THSD4: variants seen among roughly 807,000 people sequenced by gnomAD.
THSD4 encodes the protein thrombospondin type-1 domain-containing protein 4.
THSD4 carries 69 observed loss-of-function variants against 119.0 expected under a neutral mutation model. The observed-to-expected ratio is 0.58, with a 90% confidence interval of 0.48 to 0.71. THSD4 has a LOEUF of 0.71. THSD4 is among the 30% of genes least tolerant of loss of function. The probability of loss-of-function intolerance (pLI) is 0.00; values close to 1 mark genes in which losing one functional copy is unlikely to be tolerated. For missense variants in THSD4, 1,393 were observed against 1,391.1 expected (o/e 1.00, Z -0.02); for synonymous variants, 524 against 540.4 (o/e 0.97, Z 0.42).
Position 71,660,727 on chromosome 15 carries a change from C to T in THSD4, c.1350C>T (p.Asn450=), listed in dbSNP as rs766397918. The T allele has an allele frequency of 3.1e-6, 5 of 1,614,116 alleles. No individual in the cohort carries two copies. The highest frequency in any genetic ancestry group is 4.2e-6 in the Non-Finnish European group (5 of 1,180,012). The change falls in exon 8 of 18, where the codon AAC becomes AAT. Residue 450 remains asparagine, a synonymous_variant. Transcript: ENST00000261862. The part of the protein sequence containing the change: ...INITEMYKSN[N]YLALRSRSGR... ...TCACGGAGATGTACAAGAGCAACAA[C>T]TATTTGGGTAAGCTTGGTCTTTTTC...
chr15:71,588,508 C>T (rs1015038153), intron 7 of THSD4, among the ~76,000 whole-genome samples: 8 of 152,048 alleles, frequency 5.3e-5, no homozygotes, highest in African/African-American at 1.9e-4. Flanking sequence ...ACCACAGCCT[C>T]GACCTCCTAA....
chr15:71,546,507 G>T (rs1445913421), intron 7 of THSD4, among the ~76,000 whole-genome samples: 2 of 152,176 alleles, frequency 1.3e-5, no homozygotes, highest in African/African-American at 4.8e-5. Flanking sequence ...CTACTCAGAG[G>T]TAGCTCTTAT....
intron 3 of THSD4, among the ~76,000 whole-genome samples, chr15:71,169,486 G>C (rs1441332000): frequency 6.6e-6 from 1 of 152,102 alleles, no homozygotes; most frequent in Non-Finnish European, 1.5e-5. Flanking sequence ...ATTCAGAGTA[G>C]TTTCCTTTAC....
At chr15:71,388,788 A>G (rs567611698) in intron 6 of THSD4, among the ~76,000 whole-genome samples, 1 of 152,144 alleles carries the variant, frequency 6.6e-6, no homozygotes, top group East Asian at 1.9e-4. Context: ...ATATATATAT[A>G]AAAAACATAA....
chr15:71,610,530 C>T (rs2050203700), intron 7 of THSD4, among the ~76,000 whole-genome samples: 1 of 152,144 alleles, frequency 6.6e-6, no homozygotes, highest in Non-Finnish European at 1.5e-5. Flanking sequence ...AACAGTCTGT[C>T]CTGCAACAGC....
At position 71,378,906 on chromosome 15, in the gene THSD4, C is replaced by A. The variant is rs1453357025; in HGVS notation, c.1016-32781C>A. On this transcript the variant is annotated intron_variant, in intron 6 of 17. Transcript: ENST00000261862. ...TCAAAGGATCCTCCTGCCTCGGCCTCTTGAGTAGCTGGGACTACAGTTGCA... is the reference window on the plus strand; with the variant it reads ...TCAAAGGATCCTCCTGCCTCGGCCTATTGAGTAGCTGGGACTACAGTTGCA... Among the ~76,000 whole-genome samples, 17 of 152,308 alleles carry A rather than the reference C, an allele frequency of 1.1e-4. 1 individual carries two copies. In the South Asian group the frequency reaches 3.3e-3, roughly 30 times the overall value.
At chr15:71,454,814 C>A (rs1197140604) in intron 7 of THSD4, among the ~76,000 whole-genome samples, 1 of 152,138 alleles carries the variant, frequency 6.6e-6, no homozygotes, top group Non-Finnish European at 1.5e-5. Context: ...CAAAGAGGAA[C>A]AAAATTAACA....
intron 4 of THSD4, among the ~76,000 whole-genome samples, chr15:71,240,426 T>C (rs1272012756): frequency 6.6e-6 from 1 of 152,208 alleles, no homozygotes; most frequent in Admixed American, 6.5e-5. Flanking sequence ...TATGACTGAT[T>C]ATCAAAGCTG....
At chr15:71,363,310 A>T (rs2045917968) in intron 6 of THSD4, among the ~76,000 whole-genome samples, 2 of 152,244 alleles carry the variant, frequency 1.3e-5, no homozygotes, top group African/African-American at 2.4e-5. Flanking sequence ...GTAGTAAACC[A>T]GATTGGGCCC....
intron 7 of THSD4, among the ~76,000 whole-genome samples, chr15:71,632,632 C>A (rs189844796): frequency 7.8e-4 from 119 of 152,334 alleles, no homozygotes; most frequent in Middle Eastern, 3.4e-3. Context: ...ACTCCCCTAA[C>A]CCACAGTTTA....
intron 6 of THSD4, among the ~76,000 whole-genome samples, chr15:71,355,305 C>T (rs947721465): frequency 5.9e-5 from 9 of 152,206 alleles, no homozygotes; most frequent in Admixed American, 3.9e-4. Context: ...TCAAGGAGCT[C>T]TTCTTTATTT....
chr15:71,633,357 C>A (rs1417773428), intron 7 of THSD4, among the ~76,000 whole-genome samples: 2 of 148,728 alleles, frequency 1.3e-5, no homozygotes, highest in East Asian at 3.9e-4. Context: ...CTCACTGCAG[C>A]CTCGACCTAC....
intron 6 of THSD4, among the ~76,000 whole-genome samples, chr15:71,321,264 G>A (rs1323674842): frequency 1.3e-5 from 2 of 151,648 alleles, no homozygotes; most frequent in African/African-American, 2.4e-5. Flanking sequence ...GGCCAGGCGC[G>A]GTGGCTCAAG....
chr15:71,264,262 AC>A (rs1205535453), intron 6 of THSD4, among the ~76,000 whole-genome samples: 3 of 152,200 alleles, frequency 2.0e-5, no homozygotes, highest in African/African-American at 7.2e-5. Flanking sequence ...CCCGCAGCCC[AC>A]CCCTGTGCAT....
chr15:71,561,188 A>T (rs1234797276), intron 7 of THSD4, among the ~76,000 whole-genome samples: 1 of 151,882 alleles, frequency 6.6e-6, no homozygotes, highest in Non-Finnish European at 1.5e-5. Context: ...GTTAGCCAGG[A>T]TGGTCTTGAT....
chr15:71,545,335 T>C (rs1288143507), intron 7 of THSD4, among the ~76,000 whole-genome samples: 1 of 152,156 alleles, frequency 6.6e-6, no homozygotes, highest in Non-Finnish European at 1.5e-5. Flanking sequence ...TGAAGGGTGA[T>C]TGAGAAGTGT....
chr15:71,295,708 G>A (rs1278091056), intron 6 of THSD4, among the ~76,000 whole-genome samples: 2 of 150,578 alleles, frequency 1.3e-5, no homozygotes, highest in East Asian at 3.9e-4. Flanking sequence ...CAGCTCTATT[G>A]AGTCACATTT....
intron 7 of THSD4, among the ~76,000 whole-genome samples, chr15:71,505,264 A>G (rs79478398): frequency 0.038 from 5,824 of 152,282 alleles, 186 homozygotes; most frequent in African/African-American, 0.091. Context: ...GCATCTTCAC[A>G]TCTTCACTGA....
intron 7 of THSD4, among the ~76,000 whole-genome samples, chr15:71,523,830 A>G (rs1388705987): frequency 1.3e-5 from 2 of 152,234 alleles, no homozygotes; most frequent in African/African-American, 4.8e-5. Flanking sequence ...TCCCCAAAAT[A>G]TGTGCTACAG....
Sources: gnomAD v4.1 joint callset for allele counts (sites outside exome capture counted in the v4.1 genomes callset) on GRCh38, gnomAD v4.1.1 for gene constraint, MANE v1.5 for transcripts, NCBI Gene and HGNC (gene_info 2026-07-23, HGNC 2026-07-21) for gene names.